DCLK2: variants seen among roughly 807,000 people sequenced by gnomAD.
DCLK2 encodes doublecortin like kinase 2, also known as serine/threonine-protein kinase DCLK2.
A neutral mutation model predicts 78.4 loss-of-function variants in DCLK2; 31 were observed. The observed-to-expected ratio is 0.40, with a 90% CI of 0.30 to 0.53. DCLK2 has a LOEUF of 0.53. Among genes scored for constraint, DCLK2 ranks in the 20% least tolerant of loss-of-function variants. The probability of loss-of-function intolerance (pLI) is 0.61; values close to 1 mark genes in which losing one functional copy is unlikely to be tolerated. For synonymous variants in DCLK2, 407 were observed against 374.9 expected (o/e 1.09, Z -0.99); for missense variants, 872 against 973.7 (o/e 0.90, Z 1.39).
chr4:150,239,037 G>T (rs1386323424), intron 10 of DCLK2, among the ~76,000 whole-genome samples: 1 of 152,042 alleles, frequency 6.6e-6, no homozygotes, highest in Admixed American at 6.6e-5. Context: ...CATTTCTTGG[G>T]CTCTCAAGTA....
chr4:150,112,524 A>C (rs185052382), intron 2 of DCLK2, among the ~76,000 whole-genome samples: 2 of 152,180 alleles, frequency 1.3e-5, no homozygotes, highest in Admixed American at 1.3e-4. Flanking sequence ...AATCCTTTCA[A>C]GTTTTCTCCA....
chr4:150,196,882 G>A (rs931032894), intron 3 of DCLK2, among the ~76,000 whole-genome samples: 1 of 152,184 alleles, frequency 6.6e-6, no homozygotes, highest in East Asian at 1.9e-4. Context: ...AGCTGGGCAC[G>A]GTGGTTCATG....
At chr4:150,203,927 G>A (rs1253772479) in intron 5 of DCLK2, 38 bp downstream of exon 5, 1 of 1,549,900 alleles carries the variant, frequency 6.5e-7, no homozygotes, top group Non-Finnish European at 8.9e-7. Context: ...GTGTGATTTT[G>A]TTATTTAGAG....
Position 150,133,635 on chromosome 4 carries a change from C to A in DCLK2, c.756+30823C>A, listed in dbSNP as rs115059896. ...CTGGTTCAAAGGATGGAAAAAGTTC[C>A]TGTGTCAACATTTCCAAATTAAACA... On this transcript the variant is annotated intron_variant, in intron 2 of 15. Transcript: ENST00000296550. 7.6e-3 allele frequency among the ~76,000 whole-genome samples: 1,151 copies of A among 152,256 alleles called. 9 individuals are homozygous for A. Among genetic ancestry groups the A allele is most frequent in the Middle Eastern group, 0.037 (11 of 294 alleles).
Position 150,224,489 on chromosome 4 carries a change from A to G in DCLK2, c.1242-12A>G, listed in dbSNP as rs1470976439. On this transcript the variant is annotated splice_polypyrimidine_tract_variant and intron_variant, in intron 7 of 15. Coordinates refer to ENST00000296550, the MANE Select transcript of DCLK2 (RefSeq NM_001040260.4). ...TATGTCTTTAAATGGTCTTCCTCTG[A>G]TTATTCCATAGGTCCACTGGAAAGG... 2 of 1,601,772 alleles carry G rather than the reference A, an allele frequency of 1.2e-6. No homozygotes were observed. Among genetic ancestry groups the G allele is most frequent in the Non-Finnish European group, 1.7e-6 (2 of 1,175,310 alleles).
At chr4:150,115,342 C>G (rs1448403444) in intron 2 of DCLK2, among the ~76,000 whole-genome samples, 1 of 151,550 alleles carries the variant, frequency 6.6e-6, no homozygotes, top group Non-Finnish European at 1.5e-5. Context: ...AGCTAATAAC[C>G]TTTTGAATTC....
chr4:150,208,594 G>C (rs1740037426), intron 5 of DCLK2, among the ~76,000 whole-genome samples: 1 of 151,980 alleles, frequency 6.6e-6, no homozygotes. Context: ...GATTGGGAGG[G>C]GAATAGGGAG....
At chr4:150,164,377 C>T (rs886139441) in intron 2 of DCLK2, among the ~76,000 whole-genome samples, 11 of 152,224 alleles carry the variant, frequency 7.2e-5, no homozygotes, top group Admixed American at 6.5e-4. Flanking sequence ...ACCCCCCTAC[C>T]CCCATACCCT....
At chr4:150,179,755 G>C (rs1366992220) in intron 2 of DCLK2, among the ~76,000 whole-genome samples, 1 of 152,152 alleles carries the variant, frequency 6.6e-6, no homozygotes, top group Non-Finnish European at 1.5e-5. Context: ...GCCATTGAAA[G>C]TAATGATAAA....
At chr4:150,203,069 A>G (rs1406230253) in intron 4 of DCLK2, among the ~76,000 whole-genome samples, 1 of 152,206 alleles carries the variant, frequency 6.6e-6, no homozygotes, top group Admixed American at 6.5e-5. Flanking sequence ...TAATTCTAGC[A>G]TAGGATCTAA....
chr4:150,134,215 G>A (rs996400012), intron 2 of DCLK2, among the ~76,000 whole-genome samples: 8 of 151,038 alleles, frequency 5.3e-5, no homozygotes, highest in African/African-American at 2.0e-4. Flanking sequence ...CAAGTAGCTG[G>A]GATTACAGGC....
At chr4:150,220,524 A>G (rs1741103572) in intron 5 of DCLK2, among the ~76,000 whole-genome samples, 179 bp from the exon 6 acceptor site, 1 of 152,266 alleles carries the variant, frequency 6.6e-6, no homozygotes, top group Admixed American at 6.5e-5. Context: ...GAAATATCTA[A>G]GGAAGAAATG....
At chr4:150,243,926 T>A (rs1743108092) in intron 12 of DCLK2, among the ~76,000 whole-genome samples, 2 of 151,602 alleles carry the variant, frequency 1.3e-5, no homozygotes, top group South Asian at 2.1e-4. Flanking sequence ...CTGTAAATTT[T>A]ATTTTTTAAT....
At chr4:150,174,405 C>A (rs998435182) in intron 2 of DCLK2, among the ~76,000 whole-genome samples, 2 of 152,150 alleles carry the variant, frequency 1.3e-5, no homozygotes, top group African/African-American at 4.8e-5. Flanking sequence ...ATAGTCCCAT[C>A]CACTTCTTTC....
intron 5 of DCLK2, among the ~76,000 whole-genome samples, chr4:150,216,965 C>A (rs1350758943): frequency 6.6e-6 from 1 of 152,160 alleles, no homozygotes; most frequent in Non-Finnish European, 1.5e-5. Flanking sequence ...TGAGGAGGAC[C>A]CTACTAGCAT....
At chr4:150,211,118 G>A (rs562439745) in intron 5 of DCLK2, among the ~76,000 whole-genome samples, 6 of 152,278 alleles carry the variant, frequency 3.9e-5, no homozygotes, top group East Asian at 3.9e-4. Context: ...CAGTCAAGAC[G>A]CGTCCCAGGG....
At chr4:150,168,346 C>CAAA (rs1285332689) in intron 2 of DCLK2, among the ~76,000 whole-genome samples, 1 of 113,830 alleles carries the variant, frequency 8.8e-6, no homozygotes, top group Non-Finnish European at 1.9e-5. Context: ...GACTCCATCT[C>CAAA]AAAAAAAAAA....
chr4:150,250,809 C>T (rs1286672155), intron 15 of DCLK2, among the ~76,000 whole-genome samples: 2 of 151,112 alleles, frequency 1.3e-5, no homozygotes, highest in Non-Finnish European at 3.0e-5. Context: ...TAGGAAGACG[C>T]AGGGTCTAGA....
intron 1 of DCLK2, among the ~76,000 whole-genome samples, chr4:150,101,478 G>A (rs1329710152): frequency 1.3e-5 from 2 of 151,892 alleles, no homozygotes; most frequent in Non-Finnish European, 2.9e-5. Flanking sequence ...TAAGGTTCAT[G>A]TTAATATTGT....
Sources: gnomAD v4.1 joint callset for allele counts (sites outside exome capture counted in the v4.1 genomes callset) on GRCh38, gnomAD v4.1.1 for gene constraint, MANE v1.5 for transcripts, NCBI Gene and HGNC (gene_info 2026-07-23, HGNC 2026-07-21) for gene names.